The following SGCD variants were observed in gnomAD, a reference collection of about 807,000 sequenced individuals.
The protein encoded by SGCD is sarcoglycan delta.
In SGCD, 18 loss-of-function variants were observed where a neutral mutation model predicts 36.6. That is an observed-to-expected ratio of 0.49 (90% confidence interval 0.34 to 0.73). SGCD has a LOEUF of 0.73. Ranked by LOEUF, SGCD falls within the 30% of genes least tolerant of loss-of-function variation. The pLI, the probability that SGCD is intolerant of heterozygous loss-of-function variation, is 0.01. For missense variants in SGCD, 387 were observed against 346.7 expected (o/e 1.12, Z -0.92); for synonymous variants, 133 against 130.6 (o/e 1.02, Z -0.12).
intron 1 of SGCD, among the ~76,000 whole-genome samples, chr5:155,897,015 G>A (rs544025219): frequency 6.6e-6 from 1 of 152,300 alleles, no homozygotes; most frequent in East Asian, 1.9e-4. Context: ...TCATAATGAT[G>A]TTTGGTGCAT....
the SGCD span, among the ~76,000 whole-genome samples, chr5:155,829,433 G>A: frequency 6.6e-6 from 1 of 152,290 alleles, no homozygotes; most frequent in Middle Eastern, 3.4e-3. Flanking sequence ...ATTCCTGTAA[G>A]ATGCACTATG....
chr5:156,353,863 G>T (rs1487992006), intron 3 of SGCD, among the ~76,000 whole-genome samples: 1 of 152,144 alleles, frequency 6.6e-6, no homozygotes, highest in Admixed American at 6.5e-5. Flanking sequence ...TGTCCTATTT[G>T]GTTTGAAACT....
At chr5:156,346,778 C>CTT (rs138672769) in intron 3 of SGCD, among the ~76,000 whole-genome samples, 24 of 150,812 alleles carry the variant, frequency 1.6e-4, no homozygotes, top group South Asian at 4.2e-4. Flanking sequence ...TTGGGCTTTA[C>CTT]TTTATTTTTT....
At chr5:156,089,964 G>T (rs1275081870) in intron 1 of SGCD, among the ~76,000 whole-genome samples, 3 of 152,032 alleles carry the variant, frequency 2.0e-5, no homozygotes, top group African/African-American at 7.2e-5. Flanking sequence ...AGACCCTGGG[G>T]CACTTTTCAT....
rs180802466 is a variant in SGCD, at chr5:156,499,036, C to T, written c.193-9565C>T. 3.1e-3 allele frequency among the ~76,000 whole-genome samples: 433 copies of T among 141,268 alleles called. 3 individuals are homozygous for T. Among genetic ancestry groups the T allele is most frequent in the Middle Eastern group, 0.01 (3 of 288 alleles). 92.7% of individuals were successfully genotyped at this position (141,268 alleles called of 152,430 possible). On this transcript the variant is annotated intron_variant, in intron 3 of 8. Transcript: ENST00000337851. ...CAATCTGCAACTCTTCTTGCCTTTTCGTCTTAGTGTTTAGCACAGGGCTGG... is the reference window on the plus strand; with the variant it reads ...CAATCTGCAACTCTTCTTGCCTTTTTGTCTTAGTGTTTAGCACAGGGCTGG...
At chr5:156,121,136 T>C (rs1762029713) in intron 2 of SGCD, among the ~76,000 whole-genome samples, 1 of 152,042 alleles carries the variant, frequency 6.6e-6, no homozygotes, top group Non-Finnish European at 1.5e-5. Context: ...AAAAGCAATG[T>C]CATATGATAA....
At chr5:156,530,556 T>C (rs1757844657) in intron 4 of SGCD, among the ~76,000 whole-genome samples, 1 of 152,010 alleles carries the variant, frequency 6.6e-6, no homozygotes, top group Non-Finnish European at 1.5e-5. Context: ...TTATTTCTTT[T>C]CTTTTCTTTT....
At chr5:156,313,086 G>C (rs1030322627) in intron 3 of SGCD, among the ~76,000 whole-genome samples, 15 of 151,726 alleles carry the variant, frequency 9.9e-5, no homozygotes, top group Admixed American at 9.9e-4. Flanking sequence ...GTCCCTCATG[G>C]CTTAAGCATG....
intron 3 of SGCD, among the ~76,000 whole-genome samples, chr5:156,265,323 T>C (rs113813489): frequency 1.8e-3 from 270 of 152,256 alleles, no homozygotes; most frequent in African/African-American, 6.1e-3. Context: ...ATAGTATTAG[T>C]GATGGATAGG....
chr5:156,767,317 G>C lies in SGCD; in HGVS notation c.*7927G>C, dbSNP rs1757610575. ...CCCAGTCAGGTTTCTCCCTTTTTGA[G>C]ATTATGAAGAAGCTGAGACATACTT... On this transcript the variant is annotated 3_prime_UTR_variant, in exon 9 of 9. Coordinates refer to ENST00000337851, the MANE Select transcript of SGCD (RefSeq NM_000337.6). 1 of 152,016 alleles carries C rather than the reference G, an allele frequency of 6.6e-6. No individual in the cohort carries two copies. The highest frequency in any genetic ancestry group is 6.6e-5 in the Admixed American group (1 of 15,262). 9.4% of individuals were successfully genotyped at this position (152,016 alleles called of 1,614,324 possible). A position where few individuals can be genotyped will look rare whatever the true frequency, so the allele number is the denominator to read the frequency against.
At chr5:155,808,639 G>A in the SGCD span, among the ~76,000 whole-genome samples, 1 of 152,152 alleles carries the variant, frequency 6.6e-6, no homozygotes, top group Non-Finnish European at 1.5e-5. Context: ...CCACAACAGA[G>A]CCATCTATGT....
chr5:156,143,326 A>C, intron 3 of SGCD, among the ~76,000 whole-genome samples: 1 of 152,320 alleles, frequency 6.6e-6, no homozygotes, highest in Admixed American at 6.5e-5. Context: ...CCTGCTGCAG[A>C]GATAGAGCCC....
chr5:156,202,239 A>G (rs1413546731), intron 3 of SGCD, among the ~76,000 whole-genome samples: 13 of 152,282 alleles, frequency 8.5e-5, no homozygotes, highest in Admixed American at 8.5e-4. Flanking sequence ...CTGGATTATT[A>G]TTCTTTGACT....
At chr5:156,061,562 T>A (rs895353049) in intron 1 of SGCD, among the ~76,000 whole-genome samples, 2 of 146,286 alleles carry the variant, frequency 1.4e-5, no homozygotes, top group African/African-American at 4.9e-5. Context: ...TGAATGTTAA[T>A]GAATTGGACC....
intron 1 of SGCD, among the ~76,000 whole-genome samples, chr5:156,003,256 T>C (rs1433806649): frequency 2.0e-5 from 3 of 152,174 alleles, no homozygotes; most frequent in African/African-American, 7.2e-5. Flanking sequence ...ACCTCTAAAC[T>C]CTATAAGGGC....
chr5:156,704,107 G>C (rs564102107), intron 7 of SGCD: 1 of 152,260 alleles, frequency 6.6e-6, no homozygotes, highest in East Asian at 1.9e-4. Context: ...GATATTGAAT[G>C]TCCAGACACT....
At chr5:156,071,065 A>C (rs1760541850) in intron 1 of SGCD, among the ~76,000 whole-genome samples, 1 of 151,898 alleles carries the variant, frequency 6.6e-6, no homozygotes, top group Admixed American at 6.6e-5. Flanking sequence ...AATTTTGTTG[A>C]TCCTTCCAAA....
intron 3 of SGCD, among the ~76,000 whole-genome samples, chr5:156,395,915 C>T (rs1771824229): frequency 6.6e-6 from 1 of 152,178 alleles, no homozygotes; most frequent in South Asian, 2.1e-4. Flanking sequence ...AGGAGTCATC[C>T]TACTTAGTTA....
intron 1 of SGCD, among the ~76,000 whole-genome samples, chr5:156,071,649 G>T (rs146975160): frequency 9.2e-5 from 14 of 152,030 alleles, no homozygotes; most frequent in Non-Finnish European, 1.8e-4. Flanking sequence ...TATTAGGTCC[G>T]CTTGGTGCAG....
Sources: gnomAD v4.1 joint callset for allele counts (sites outside exome capture counted in the v4.1 genomes callset) on GRCh38, gnomAD v4.1.1 for gene constraint, MANE v1.5 for transcripts, NCBI Gene and HGNC (gene_info 2026-07-23, HGNC 2026-07-21) for gene names.